HRK: variants seen among roughly 807,000 people sequenced by gnomAD.
The protein encoded by HRK is harakiri, BCL2 interacting protein.
HRK carries 6 observed loss-of-function variants against 5.9 expected under a neutral mutation model. That is an observed-to-expected ratio of 1.02 (90% CI 0.56 to 2.01). The LOEUF (loss-of-function observed/expected upper bound fraction) is 2.01, where lower values mean the gene tolerates loss of function less well. Ranked by LOEUF, HRK falls within the 30% of genes most tolerant of loss-of-function variation. HRK has a pLI of 0.00. For missense variants in HRK, 133 were observed against 128.3 expected (o/e 1.04, Z -0.18); for synonymous variants, 85 against 65.1 (o/e 1.31, Z -1.47).
chr12:116,869,353 A>G (rs185506221), intron 1 of HRK: 1 of 152,324 alleles, frequency 6.6e-6, no homozygotes, highest in Non-Finnish European at 1.5e-5. Context: ...TCTGAACACC[A>G]GTACATCCTT....
intron 1 of HRK, among the ~76,000 whole-genome samples, chr12:116,876,522 T>G (rs1878935024): frequency 6.6e-6 from 1 of 152,128 alleles, no homozygotes; most frequent in South Asian, 2.1e-4. Flanking sequence ...CTTATGGGCC[T>G]GCGGAGTCCC....
At position 116,879,840 on chromosome 12, in the gene HRK, G is replaced by T. The variant is rs1365497287; in HGVS notation, c.*56+1136C>A. 6.6e-6 allele frequency among the ~76,000 whole-genome samples: 1 copy of T among 152,220 alleles called. No homozygotes were observed. Among genetic ancestry groups the T allele is most frequent in the Non-Finnish European group, 1.5e-5 (1 of 68,046 alleles). ...TCCCAGGGTGTCTGCGGCGCGCGGC[G>T]GGGCTCGGGGGCGGGGACCTAAGGG... On this transcript the variant is annotated intron_variant, in intron 1 of 1. Transcript: ENST00000257572. The surrounding 1 kb of genome is among the most constrained non-coding windows in gnomAD (Gnocchi z 5.6).
intron 1 of HRK, among the ~76,000 whole-genome samples, chr12:116,868,065 A>G (rs952190710): frequency 2.6e-5 from 4 of 152,054 alleles, no homozygotes; most frequent in Non-Finnish European, 5.9e-5. Flanking sequence ...GTTAGAATAC[A>G]TTGTTAGATC....
intron 1 of HRK, among the ~76,000 whole-genome samples, chr12:116,864,848 T>G (rs917912067): frequency 6.6e-6 from 1 of 152,184 alleles, no homozygotes; most frequent in African/African-American, 2.4e-5. Context: ...TAAAACTATT[T>G]TTAAAACATC....
At chr12:116,867,563 T>C (rs981443580) in intron 1 of HRK, 1 of 152,186 alleles carries the variant, frequency 6.6e-6, no homozygotes, top group Non-Finnish European at 1.5e-5. Context: ...GCTATGATCA[T>C]GCCACTGCAC....
intron 1 of HRK, among the ~76,000 whole-genome samples, chr12:116,867,374 C>G (rs886106710): frequency 6.6e-6 from 1 of 151,748 alleles, no homozygotes; most frequent in African/African-American, 2.4e-5. Context: ...GAACTCCTGA[C>G]CTCAGGTGAT....
At chr12:116,864,192 A>G (rs1878459346) in intron 1 of HRK, among the ~76,000 whole-genome samples, 1 of 152,216 alleles carries the variant, frequency 6.6e-6, no homozygotes, top group Non-Finnish European at 1.5e-5. Context: ...CCATAAACCT[A>G]CAGAATGAAA....
In HRK at chr12:116,859,049, G is replaced by A. The variant is rs1345489332; in HGVS notation, c.*2474C>T. On this transcript the variant is annotated 3_prime_UTR_variant, in exon 2 of 2. Coordinates refer to ENST00000257572, the MANE Select transcript of HRK (RefSeq NM_003806.4). ...TGAATGATGTGCAAGGAAAGGTCAG[G>A]ATTCGATAAATACGTGGTCTCTAAT... 2 of 152,298 alleles carry A rather than the reference G, an allele frequency of 1.3e-5. No individual in the cohort carries two copies. Among genetic ancestry groups the A allele is most frequent in the South Asian group, 2.1e-4 (1 of 4,830 alleles). The allele number at this position is 152,298 out of a possible 1,614,324, so 9.4% of individuals were successfully genotyped here. A position where few individuals can be genotyped will look rare whatever the true frequency, so the allele number is the denominator to read the frequency against.
Position 116,858,302 on chromosome 12 carries a change from AC to A in HRK, c.*3220del, listed in dbSNP as rs1473950126. 2 of 151,854 alleles carry A rather than the reference AC, an allele frequency of 1.3e-5. No homozygotes were observed. The highest frequency in any genetic ancestry group is 4.8e-5 in the African/African-American group (2 of 41,304). 9.4% of individuals were successfully genotyped at this position (151,854 alleles called of 1,614,324 possible). ...CAGAGAAACTTCCTACTCAAGCTACACCAATAACAAAGAGAATAGGAAACGG... is the reference window on the plus strand; with the variant it reads ...CAGAGAAACTTCCTACTCAAGCTACACAATAACAAAGAGAATAGGAAACGG... On this transcript the variant is annotated 3_prime_UTR_variant, in exon 2 of 2. Transcript: ENST00000257572.
intron 1 of HRK, among the ~76,000 whole-genome samples, chr12:116,863,191 T>TG (rs1458483290): frequency 4.6e-5 from 7 of 152,336 alleles, no homozygotes; most frequent in East Asian, 3.9e-4. Flanking sequence ...TTATGGCTTC[T>TG]GGGTTTGAAA....
chr12:116,880,217 T>G (rs903718723), intron 1 of HRK, among the ~76,000 whole-genome samples: 1 of 152,170 alleles, frequency 6.6e-6, no homozygotes, highest in Non-Finnish European at 1.5e-5. Flanking sequence ...TCCTTAAGGC[T>G]TCCCATTGGA....
In HRK at chr12:116,864,452, T is replaced by G. The variant is rs1878468030; in HGVS notation, c.*57-2986A>C. ...TGACCAATATCTGGAGGTGAACCAA[T>G]AGCCTAGAAGTCAGAATGGGGTTAC... On this transcript the variant is annotated intron_variant, in intron 1 of 1. Coordinates refer to ENST00000257572, the MANE Select transcript of HRK (RefSeq NM_003806.4). Among the ~76,000 whole-genome samples, 3 of 152,148 alleles carry G rather than the reference T, an allele frequency of 2.0e-5. No homozygotes were observed. The South Asian group carries it at 6.2e-4, about 32-fold the overall frequency.
rs980974016 is a variant in HRK, at chr12:116,858,783, G to A, written c.*2740C>T. On this transcript the variant is annotated 3_prime_UTR_variant, in exon 2 of 2. Coordinates refer to ENST00000257572, the MANE Select transcript of HRK (RefSeq NM_003806.4). ...AAAAGTGGGGGAGCGGTGGAGGAGAGGGAGGGATGTTGCCAGCACTTTGCA... is the reference window on the plus strand; with the variant it reads ...AAAAGTGGGGGAGCGGTGGAGGAGAAGGAGGGATGTTGCCAGCACTTTGCA... 6.6e-6 allele frequency: 1 copy of A among 151,216 alleles called. No homozygotes were observed. The highest frequency in any genetic ancestry group is 1.5e-5 in the Non-Finnish European group (1 of 67,904). The allele number at this position is 151,216 out of a possible 1,614,324, so 9.4% of individuals were successfully genotyped here.
At chr12:116,877,387 T>C (rs1878975143) in intron 1 of HRK, among the ~76,000 whole-genome samples, 2 of 152,160 alleles carry the variant, frequency 1.3e-5, no homozygotes, top group South Asian at 2.1e-4. Flanking sequence ...TGTTCTCTTA[T>C]CATTCTCCCA....
chr12:116,863,536 TCTC>T (rs1237224172), intron 1 of HRK, among the ~76,000 whole-genome samples: 3 of 152,192 alleles, frequency 2.0e-5, no homozygotes, highest in Admixed American at 1.3e-4. Flanking sequence ...TGTCCTAAAT[TCTC>T]CTCTGATTAC....
chr12:116,881,049 C>G lies in HRK; in HGVS notation c.259G>C (p.Gly87Arg), dbSNP rs775044240. 59 of 1,357,708 alleles carry G rather than the reference C, an allele frequency of 4.3e-5. No individual in the cohort carries two copies. In the African/African-American group the frequency reaches 8.4e-4, roughly 19 times the overall value. The allele number at this position is 1,357,708 out of a possible 1,614,324, so 84.1% of individuals were successfully genotyped here. A position where few individuals can be genotyped will look rare whatever the true frequency, so the allele number is the denominator to read the frequency against. ...CCGCGTTCCTACAAGTTCCGCCTGC[C>G]GAGCAGCCAGGCCGCCAGCGCCGCC... ...QVAALAAWLL[G>R]RRNL The change falls in exon 1 of 2, where the codon GGC becomes CGC. Residue 87 changes from glycine to arginine, a missense_variant. By Grantham distance (125) the Gly-to-Arg change is moderately radical. Transcript: ENST00000257572.
At position 116,861,201 on chromosome 12, in the gene HRK, A is replaced by G. The variant is rs952296717; in HGVS notation, c.*322T>C. 6.6e-6 allele frequency: 1 copy of G among 152,228 alleles called. No individual in the cohort carries two copies. The highest frequency in any genetic ancestry group is 2.4e-5 in the African/African-American group (1 of 41,452). 9.4% of individuals were successfully genotyped at this position (152,228 alleles called of 1,614,324 possible). A position where few individuals can be genotyped will look rare whatever the true frequency, so the allele number is the denominator to read the frequency against. On this transcript the variant is annotated 3_prime_UTR_variant, in exon 2 of 2. Transcript: ENST00000257572. ...AGAAAAGGAAGGCAACCACGTCCTC[A>G]ACAAGGCATGCACTGATACGTAATA...
intron 1 of HRK, among the ~76,000 whole-genome samples, chr12:116,875,932 A>C (rs1443194063): frequency 6.6e-6 from 1 of 152,190 alleles, no homozygotes; most frequent in Non-Finnish European, 1.5e-5. Flanking sequence ...GACTAGGGAC[A>C]CTGTGGGTTA....
rs1878401367 is a variant in HRK at position 116,862,548 on chromosome 12, C to T, written c.*57-1082G>A. On this transcript the variant is annotated intron_variant, in intron 1 of 1. Coordinates refer to ENST00000257572, the MANE Select transcript of HRK (RefSeq NM_003806.4). The surrounding 1 kb of genome is among the most constrained non-coding windows in gnomAD (Gnocchi z 4.0). ...GGGACAGAAAGGAGAATGGTGGTTGCCTAGGGCCGGGGCGGATAGGAGGAA... is the reference window on the plus strand; with the variant it reads ...GGGACAGAAAGGAGAATGGTGGTTGTCTAGGGCCGGGGCGGATAGGAGGAA... Among the ~76,000 whole-genome samples, 1 of 152,096 alleles carries T rather than the reference C, an allele frequency of 6.6e-6. No homozygotes were observed. Among genetic ancestry groups the T allele is most frequent in the Non-Finnish European group, 1.5e-5 (1 of 68,030 alleles).
Sources: gnomAD v4.1 joint callset for allele counts (sites outside exome capture counted in the v4.1 genomes callset) on GRCh38, gnomAD v4.1.1 for gene constraint, Gnocchi (gnomAD v3.1) non-coding constraint, MANE v1.5 for transcripts, NCBI Gene and HGNC (gene_info 2026-07-23, HGNC 2026-07-21) for gene names.